The following ZBTB16 variants were observed in gnomAD, a reference collection of about 807,000 sequenced individuals.
The protein encoded by ZBTB16 is zinc finger and BTB domain containing 16.
ZBTB16 carries 8 observed loss-of-function variants against 56.8 expected under a neutral mutation model. That is an observed-to-expected ratio of 0.14 (90% confidence interval 0.08 to 0.25). The LOEUF (loss-of-function observed/expected upper bound fraction) is 0.25, where lower values mean the gene tolerates loss of function less well. Among genes scored for constraint, ZBTB16 ranks in the 10% least tolerant of loss-of-function variants. ZBTB16 has a pLI of 1.00. For missense variants in ZBTB16, 625 were observed against 903.0 expected, an observed-to-expected ratio of 0.69 and a Z score of 3.95; for synonymous variants, 363 against 368.5, an observed-to-expected ratio of 0.98 and a Z score of 0.17.
chr11:114,156,946 G>A (rs953767434), intron 3 of ZBTB16, among the ~76,000 whole-genome samples: 1 of 152,108 alleles, frequency 6.6e-6, no homozygotes, highest in Non-Finnish European at 1.5e-5. Context: ...CCCACGAGGC[G>A]TGGAATGGGG....
chr11:114,065,756 A>T (rs1469805495), intron 2 of ZBTB16, among the ~76,000 whole-genome samples: 2 of 152,172 alleles, frequency 1.3e-5, no homozygotes, highest in Admixed American at 1.3e-4. Context: ...TAAGGCTCAG[A>T]TGTCAAGTCT....
At chr11:114,097,743 G>C (rs556498820) in intron 2 of ZBTB16, among the ~76,000 whole-genome samples, 7 of 152,244 alleles carry the variant, frequency 4.6e-5, no homozygotes, top group African/African-American at 1.7e-4. Flanking sequence ...TATTTGTCAT[G>C]TGATTCTAGA....
At chr11:114,248,147 G>A (rs1944852347) in intron 6 of ZBTB16, among the ~76,000 whole-genome samples, 3 of 152,090 alleles carry the variant, frequency 2.0e-5, no homozygotes, top group African/African-American at 4.8e-5. Flanking sequence ...TGATTCACCC[G>A]CCTCGGCCTC....
At chr11:114,235,682 CTTTCTTTCT>C (rs775738794) in intron 4 of ZBTB16, among the ~76,000 whole-genome samples, 5,568 of 35,940 alleles carry the variant, frequency 0.15, 222 homozygotes, top group East Asian at 0.27. Flanking sequence ...TTCTTTCTTT[CTTTCTTTCT>C]TTTCTTTCTT....
chr11:114,230,343 G>C (rs1944413392), intron 4 of ZBTB16, among the ~76,000 whole-genome samples: 1 of 152,164 alleles, frequency 6.6e-6, no homozygotes, highest in South Asian at 2.1e-4. Context: ...AACTCCATGA[G>C]CTCGACCTGC....
In ZBTB16 at chr11:114,233,093, A is replaced by G. The variant is rs1417882845; in HGVS notation, c.1454-9074A>G. ...CGCGCGCGCGCGCGCACACACACAC[A>G]CACACACACACACACACACACACAC... On this transcript the variant is annotated intron_variant, in intron 4 of 6. Transcript: ENST00000335953. 9.6e-3 allele frequency among the ~76,000 whole-genome samples: 285 copies of G among 29,604 alleles called. 7 individuals carry two copies. The highest frequency in any genetic ancestry group is 0.015 in the African/African-American group (221 of 14,634). The allele number at this position is 29,604 out of a possible 152,430, so 19.4% of individuals were successfully genotyped here. A position where few individuals can be genotyped will look rare whatever the true frequency, so the allele number is the denominator to read the frequency against.
Position 114,063,546 on chromosome 11 carries a change from G to T in ZBTB16, c.246G>T (p.Gln82His). ...TCCTCTCGCCAAAGACCTTCCAGCA[G>T]ATTCTGGAGTATGCATATACAGCCA... ...LDFLSPKTFQ[Q>H]ILEYAYTATL... Residue 82 changes from glutamine to histidine, a missense_variant, in exon 2 of 7, where the codon CAG (glutamine) becomes CAT (histidine). Gln to His is a conservative substitution (Grantham distance 24). Around this residue, in one of 6 missense-constraint regions of ZBTB16, gnomAD observed 54 missense variants for 159.4 expected, o/e 0.34. Coordinates refer to ENST00000335953, the MANE Select transcript of ZBTB16 (RefSeq NM_006006.6). The surrounding 1 kb of genome is among the most constrained non-coding windows in gnomAD (Gnocchi z 6.5). The T allele has an allele frequency of 6.2e-7, 1 of 1,614,250 alleles. No individual in the cohort carries two copies. The highest frequency in any genetic ancestry group is 2.2e-5 in the East Asian group (1 of 44,886).
At chr11:114,221,304 C>A (rs541092470) in intron 4 of ZBTB16, among the ~76,000 whole-genome samples, 1 of 152,168 alleles carries the variant, frequency 6.6e-6, no homozygotes, top group Non-Finnish European at 1.5e-5. Context: ...CTCTCTGTAC[C>A]AACCGTGTGT....
chr11:114,124,013 T>C (rs1004324490), intron 2 of ZBTB16, among the ~76,000 whole-genome samples: 1 of 152,146 alleles, frequency 6.6e-6, no homozygotes, highest in Non-Finnish European at 1.5e-5. Flanking sequence ...AATCAAAACA[T>C]ATGAATAATT....
At chr11:114,090,017 G>A (rs116251468) in intron 2 of ZBTB16, among the ~76,000 whole-genome samples, 1 of 152,210 alleles carries the variant, frequency 6.6e-6, no homozygotes, top group South Asian at 2.1e-4. Flanking sequence ...TGTTCCTACA[G>A]TTAAGATCTT....
At position 114,063,441 on chromosome 11, in the gene ZBTB16, C is replaced by T; in HGVS notation, c.141C>T (p.Ala47=). ...TGGTGGACAGCCAGGAGTTCCACGC[C>T]CACCGGACGGTGCTGGCCTGCACCA... The part of the protein sequence containing the change: ...VIMVDSQEFH[A]HRTVLACTSK... Residue 47 remains alanine, a synonymous_variant, in exon 2 of 7, where the codon GCC becomes GCT. Coordinates refer to ENST00000335953, the MANE Select transcript of ZBTB16 (RefSeq NM_006006.6). This position sits in a 1 kb window ranked among gnomAD's most constrained non-coding sequence, Gnocchi z 6.5. The T allele has an allele frequency of 6.2e-7, 1 of 1,614,204 alleles. No individual in the cohort carries two copies.
chr11:114,124,220 G>A (rs1262465313), intron 2 of ZBTB16, among the ~76,000 whole-genome samples: 1 of 152,068 alleles, frequency 6.6e-6, no homozygotes, highest in Non-Finnish European at 1.5e-5. Flanking sequence ...ACTTATGGAA[G>A]CAAACAGCCT....
intron 2 of ZBTB16, 42 bp from the exon 3 acceptor site, chr11:114,156,295 C>T: frequency 1.2e-6 from 2 of 1,605,448 alleles, no homozygotes; most frequent in Non-Finnish European, 1.7e-6. Context: ...GCCTCTTGTC[C>T]AGCCAGAGCA....
At position 114,143,491 on chromosome 11, in the gene ZBTB16, A is replaced by AC. The variant is rs1942015735; in HGVS notation, c.1269-12843dup. On this transcript the variant is annotated intron_variant, in intron 2 of 6. Transcript: ENST00000335953. The surrounding 1 kb of genome is among the most constrained non-coding windows in gnomAD (Gnocchi z 6.4). ...GGGAAGGCTTCTAGGGATGGTACTG[A>AC]CCCTCTTGCCTAGTGAAATGTCCTT... Among the ~76,000 whole-genome samples, 1 of 152,024 alleles carries AC rather than the reference A, an allele frequency of 6.6e-6. No homozygotes were observed. Among genetic ancestry groups the AC allele is most frequent in the Admixed American group, 6.5e-5 (1 of 15,276 alleles).
chr11:114,095,216 T>C (rs1311583916), intron 2 of ZBTB16, among the ~76,000 whole-genome samples: 1 of 150,666 alleles, frequency 6.6e-6, no homozygotes, highest in Non-Finnish European at 1.5e-5. Context: ...TGTCGTGTCT[T>C]ATGTAACCAA....
chr11:114,201,820 T>C (rs1186786750), intron 4 of ZBTB16, among the ~76,000 whole-genome samples: 2 of 152,228 alleles, frequency 1.3e-5, no homozygotes, highest in African/African-American at 4.8e-5. Flanking sequence ...TACTTTCTGC[T>C]TTATCTATTT....
intron 2 of ZBTB16, among the ~76,000 whole-genome samples, chr11:114,136,236 A>T (rs1565644490): frequency 6.6e-6 from 1 of 152,196 alleles, no homozygotes; most frequent in Non-Finnish European, 1.5e-5. Flanking sequence ...AGAAGTGTTA[A>T]AAATGAGCCT....
At chr11:114,242,015 C>A in intron 4 of ZBTB16, 152 bp from the exon 5 acceptor site, 1 of 1,008,004 alleles carries the variant, frequency 9.9e-7, no homozygotes, top group Non-Finnish European at 1.5e-6. Flanking sequence ...ACTGGGTGCT[C>A]AGTGTTGCAT....
Position 114,146,215 on chromosome 11 carries a change from C to CT in ZBTB16, c.1269-10115dup, listed in dbSNP as rs1294208355. Reference sequence around the variant, plus strand: ...ACTCTGGGTACCATCATTCAATTTACTTTTTTTCTTAGAGGCCTCTCTGTT... The same window carrying CT: ...ACTCTGGGTACCATCATTCAATTTACTTTTTTTTCTTAGAGGCCTCTCTGTT... On this transcript the variant is annotated intron_variant, in intron 2 of 6. Transcript: ENST00000335953. Among the ~76,000 whole-genome samples the CT allele has an allele frequency of 3.9e-5, 6 of 152,004 alleles. No homozygotes were observed. In the South Asian group the frequency reaches 1.2e-3, roughly 32 times the overall value.
Sources: gnomAD v4.1 joint callset for allele counts (sites outside exome capture counted in the v4.1 genomes callset) on GRCh38, gnomAD v4.1.1 for gene constraint, gnomAD v4.1.1 regional missense constraint, Gnocchi (gnomAD v3.1) non-coding constraint, MANE v1.5 for transcripts, NCBI Gene and HGNC (gene_info 2026-07-23, HGNC 2026-07-21) for gene names.